KIAA1958: variants seen among roughly 807,000 people sequenced by gnomAD.
KIAA1958 encodes uncharacterized protein KIAA1958.
A neutral mutation model predicts 47.2 loss-of-function variants in KIAA1958; 14 were observed. The ratio of observed to expected loss-of-function variants is 0.30; its 90% CI spans 0.20 to 0.46. KIAA1958 has a LOEUF of 0.46. Among genes scored for constraint, KIAA1958 ranks in the 20% least tolerant of loss-of-function variants. The pLI is 1.00. For missense variants in KIAA1958, 803 were observed against 909.2 expected (o/e 0.88, Z 1.50); for synonymous variants, 354 against 353.3 (o/e 1.00, Z -0.02).
At position 112,574,804 on chromosome 9, in the gene KIAA1958, G is replaced by A. The variant is rs367906569; in HGVS notation, c.724G>A (p.Ala242Thr). ...QMAKPKPQTH[A>T]GPSCVGSAKL... is the part of the protein sequence containing the mutation. ...GGCAAAACCCAAGCCTCAGACTCAC[G>A]CTGGTCCCTCCTGTGTAGGGTCTGC... Residue 242 changes from alanine (A) to threonine (T), a missense_variant, in exon 2 of 4, where the codon GCT becomes ACT. By Grantham distance (58) the Ala-to-Thr change is moderately conservative. Coordinates refer to ENST00000337530, the MANE Select transcript of KIAA1958 (RefSeq NM_133465.4). The A allele has an allele frequency of 1.4e-5, 23 of 1,613,992 alleles. No homozygotes were observed. Among genetic ancestry groups the A allele is most frequent in the Middle Eastern group, 1.6e-4 (1 of 6,084 alleles).
At chr9:112,494,222 T>C (rs1271748351) in intron 1 of KIAA1958, among the ~76,000 whole-genome samples, 1 of 152,230 alleles carries the variant, frequency 6.6e-6, no homozygotes, top group Non-Finnish European at 1.5e-5. Flanking sequence ...GACCATTCCC[T>C]GTTAATTCTC....
chr9:112,645,697 G>A lies in KIAA1958; in HGVS notation c.1219G>A (p.Asp407Asn). The change falls in exon 3 of 4, where the codon GAC becomes AAC. Residue 407 changes from aspartate (D) to asparagine (N), a missense_variant. Asp to Asn is a conservative substitution (Grantham distance 23, BLOSUM62 1). This residue lies in a region of KIAA1958 where 761 missense variants were observed against 829.3 expected (regional missense o/e 0.92). Transcript: ENST00000337530. Reference sequence around the variant, plus strand: ...ATTTCCTGTATTTAATATTAATGATGACTTGAATGATCTGTGTACCAGTGC... The same window carrying A: ...ATTTCCTGTATTTAATATTAATGATAACTTGAATGATCTGTGTACCAGTGC... ...NKFPVFNIND[D>N]LNDLCTSAVS... 1 of 1,612,358 alleles carries A rather than the reference G, an allele frequency of 6.2e-7. No individual in the cohort carries two copies. The highest frequency in any genetic ancestry group is 1.7e-5 in the Admixed American group (1 of 59,794).
intron 2 of KIAA1958, among the ~76,000 whole-genome samples, chr9:112,602,076 GT>G (rs1836142716): frequency 6.6e-6 from 1 of 152,128 alleles, no homozygotes; most frequent in South Asian, 2.1e-4. Context: ...AACAGCCTTT[GT>G]TTTAAAGTTC....
At chr9:112,572,256 G>T (rs1835552703) in intron 1 of KIAA1958, among the ~76,000 whole-genome samples, 1 of 152,092 alleles carries the variant, frequency 6.6e-6, no homozygotes, top group South Asian at 2.1e-4. Flanking sequence ...AAATTTATGT[G>T]TCTGACTTGA....
chr9:112,656,130 T>C (rs1002460157), intron 3 of KIAA1958, among the ~76,000 whole-genome samples: 1 of 152,112 alleles, frequency 6.6e-6, no homozygotes, highest in Non-Finnish European at 1.5e-5. Context: ...CCCAGCACTT[T>C]GGGAGGCCTA....
At chr9:112,517,518 T>C (rs1424147015) in intron 1 of KIAA1958, among the ~76,000 whole-genome samples, 1 of 152,226 alleles carries the variant, frequency 6.6e-6, no homozygotes, top group Non-Finnish European at 1.5e-5. Flanking sequence ...AGAAAATCTT[T>C]GTGACCTTGG....
At chr9:112,492,057 A>G (rs1010470737) in intron 1 of KIAA1958, among the ~76,000 whole-genome samples, 3 of 152,210 alleles carry the variant, frequency 2.0e-5, no homozygotes, top group Non-Finnish European at 4.4e-5. Context: ...TATTTCTGGG[A>G]CGGAGTTGAC....
At chr9:112,640,751 G>C (rs946612527) in intron 2 of KIAA1958, among the ~76,000 whole-genome samples, 1 of 152,178 alleles carries the variant, frequency 6.6e-6, no homozygotes, top group African/African-American at 2.4e-5. Context: ...TTGTGTTCCA[G>C]TGAATTTTAT....
At chr9:112,585,197 A>G (rs1835802220) in intron 2 of KIAA1958, among the ~76,000 whole-genome samples, 1 of 152,218 alleles carries the variant, frequency 6.6e-6, no homozygotes, top group South Asian at 2.1e-4. Context: ...AGACTGGTGG[A>G]GATAAAAAGA....
At chr9:112,616,899 A>G (rs1032823634) in intron 2 of KIAA1958, among the ~76,000 whole-genome samples, 3 of 152,234 alleles carry the variant, frequency 2.0e-5, no homozygotes, top group Non-Finnish European at 1.5e-5. Context: ...CTCAAAATAT[A>G]TTCTCTCAAA....
In KIAA1958 at chr9:112,604,347, T is replaced by G. The variant is rs1836188017; in HGVS notation, c.1171+29096T>G. ...ACCCCTCTCCAGGTCACAAATCTCT[T>G]AGAAGTCATTAACCTAAAACTTTTC... On this transcript the variant is annotated intron_variant, in intron 2 of 3. Transcript: ENST00000337530. Among the ~76,000 whole-genome samples the G allele has an allele frequency of 2.6e-5, 4 of 152,332 alleles. 1 individual carries two copies. The Middle Eastern group carries it at 0.01, about 389-fold the overall frequency.
chr9:112,489,304 T>G (rs7870207), intron 1 of KIAA1958, among the ~76,000 whole-genome samples: 2,255 of 152,276 alleles, frequency 0.015, 46 homozygotes, highest in African/African-American at 0.052. Context: ...AGGCTGTCAG[T>G]GGTAGTGATA....
chr9:112,573,993 A>G, intron 1 of KIAA1958, 64 bp from the exon 2 acceptor site: 1 of 835,232 alleles, frequency 1.2e-6, no homozygotes, highest in Non-Finnish European at 1.9e-6. Context: ...AACAAACTGA[A>G]GTAATTGAGC....
chr9:112,489,296 G>A (rs1223051254), intron 1 of KIAA1958, among the ~76,000 whole-genome samples: 1 of 152,182 alleles, frequency 6.6e-6, no homozygotes, highest in African/African-American at 2.4e-5. Context: ...TATTTACAAG[G>A]CTGTCAGTGG....
At chr9:112,489,603 A>C (rs1028193428) in intron 1 of KIAA1958, among the ~76,000 whole-genome samples, 1 of 152,006 alleles carries the variant, frequency 6.6e-6, no homozygotes, top group Non-Finnish European at 1.5e-5. Context: ...CTTTCTGGTA[A>C]GTTGGTGTTG....
intron 1 of KIAA1958, among the ~76,000 whole-genome samples, chr9:112,508,881 T>A (rs1323516869): frequency 6.6e-6 from 1 of 152,208 alleles, no homozygotes; most frequent in Non-Finnish European, 1.5e-5. Flanking sequence ...ATTTAAAATT[T>A]TTTCACTTTT....
Position 112,635,071 on chromosome 9 carries a change from C to T in KIAA1958, c.1172-10579C>T, listed in dbSNP as rs551398705. ...TTTTCTTTTATTGTATTATTCTTGG[C>T]TTATTTTTATATAAAAGTTATGCAG... On this transcript the variant is annotated intron_variant, in intron 2 of 3. Coordinates refer to ENST00000337530, the MANE Select transcript of KIAA1958 (RefSeq NM_133465.4). Among the ~76,000 whole-genome samples the T allele has an allele frequency of 3.3e-5, 5 of 152,142 alleles. No individual in the cohort carries two copies. The East Asian group carries it at 9.6e-4, about 29-fold the overall frequency.
At chr9:112,491,840 T>G (rs1176774721) in intron 1 of KIAA1958, among the ~76,000 whole-genome samples, 1 of 152,194 alleles carries the variant, frequency 6.6e-6, no homozygotes, top group Non-Finnish European at 1.5e-5. Flanking sequence ...CTTGGTTGGC[T>G]TCTCTTTTTA....
chr9:112,632,358 AT>A (rs1836724888), intron 2 of KIAA1958, among the ~76,000 whole-genome samples: 1 of 150,454 alleles, frequency 6.6e-6, no homozygotes, highest in Non-Finnish European at 1.5e-5. Context: ...ATGCACAATT[AT>A]TTAATTATTC....
Sources: allele counts gnomAD v4.1 joint callset (sites outside exome capture counted in the v4.1 genomes callset), GRCh38; gene constraint gnomAD v4.1.1; regional missense constraint gnomAD v4.1.1; transcripts MANE v1.5; gene names NCBI Gene and HGNC (gene_info 2026-07-23, HGNC 2026-07-21).